The following CNOT4 variants were observed in gnomAD, a reference collection of about 807,000 sequenced individuals.
CNOT4 encodes the protein CCR4-associated factor 4.
Under a neutral mutation model 73.8 loss-of-function variants are expected in CNOT4, and 8 were observed. That is an observed-to-expected ratio of 0.11 (90% CI 0.06 to 0.20). The LOEUF (loss-of-function observed/expected upper bound fraction) is 0.20. Among genes scored for constraint, CNOT4 ranks in the 10% least tolerant of loss-of-function variants. The probability of loss-of-function intolerance (pLI) is 1.00; values close to 1 mark genes in which losing one functional copy is unlikely to be tolerated. For missense variants in CNOT4, 564 were observed against 883.4 expected, an observed-to-expected ratio of 0.64 and a Z score of 4.58; for synonymous variants, 293 against 321.1, an observed-to-expected ratio of 0.91 and a Z score of 0.94.
chr7:135,422,397 A>T (rs368774143), intron 2 of CNOT4, 44 bp from the exon 3 acceptor site: 231 of 867,702 alleles, frequency 2.7e-4, no homozygotes, highest in Middle Eastern at 5.6e-4. Context: ...TAAATTAATT[A>T]AAAAAACTGC....
chr7:135,388,518 G>A (rs2129483162), intron 10 of CNOT4: 1 of 1,033,422 alleles, frequency 9.7e-7, no homozygotes, highest in Non-Finnish European at 1.2e-6. Context: ...AATCTCACCT[G>A]GGATCTTAGT....
chr7:135,383,546 G>A (rs1482179681), intron 10 of CNOT4, among the ~76,000 whole-genome samples: 2 of 152,182 alleles, frequency 1.3e-5, no homozygotes, highest in Non-Finnish European at 2.9e-5. Context: ...CCCATCTGCG[G>A]ATGCATGGAA....
chr7:135,423,524 G>A lies in CNOT4; in HGVS notation c.175-1171C>T, dbSNP rs140416680. On this transcript the variant is annotated intron_variant, in intron 2 of 11. Coordinates refer to ENST00000541284, the MANE Select transcript of CNOT4 (RefSeq NM_001190850.2). The stretch of plus-strand genomic sequence containing the variant: ...TGAACATACCCAGAGTAACGCTGAC[G>A]GCAATTAAGAAAGTGAGATTTCACC... Among the ~76,000 whole-genome samples, 802 of 150,798 alleles carry A rather than the reference G, an allele frequency of 5.3e-3. 6 individuals are homozygous for A. The highest frequency in any genetic ancestry group is 0.019 in the African/African-American group (766 of 41,098).
intron 1 of CNOT4, among the ~76,000 whole-genome samples, chr7:135,478,522 G>A (rs1165623574): frequency 6.6e-6 from 1 of 152,050 alleles, no homozygotes; most frequent in Non-Finnish European, 1.5e-5. Flanking sequence ...GGGCAACTGG[G>A]GAGACCCTGT....
chr7:135,384,649 G>A (rs1796029218), intron 10 of CNOT4: 3 of 764,968 alleles, frequency 3.9e-6, no homozygotes, highest in South Asian at 1.3e-5. Flanking sequence ...ACCACCCAAC[G>A]ACATCTATTA....
chr7:135,463,401 T>C (rs1800999615), intron 1 of CNOT4, among the ~76,000 whole-genome samples: 1 of 151,856 alleles, frequency 6.6e-6, no homozygotes, highest in Non-Finnish European at 1.5e-5. Flanking sequence ...AGCTGGGTGT[T>C]GTGGCAGGCG....
In CNOT4 at chr7:135,458,673, T is replaced by C. The variant is rs541626319; in HGVS notation, c.-92-20250A>G. 4.3e-4 allele frequency among the ~76,000 whole-genome samples: 66 copies of C among 152,210 alleles called. 3 individuals are homozygous for C. In the South Asian group the frequency reaches 0.013, roughly 30 times the overall value. ...ACAGCATCTTCAGGAGAAGGTCCCA[T>C]CTCTAAAAACCACTTTCTTTGCTCA... On this transcript the variant is annotated intron_variant, in intron 1 of 11. Transcript: ENST00000541284.
intron 1 of CNOT4, among the ~76,000 whole-genome samples, chr7:135,499,084 T>C (rs1455580624): frequency 6.6e-6 from 1 of 152,182 alleles, no homozygotes; most frequent in Non-Finnish European, 1.5e-5. Flanking sequence ...AATCCTGACA[T>C]ATTAAAAGAT....
chr7:135,499,741 A>G lies in CNOT4; in HGVS notation c.-93+10148T>C, dbSNP rs572107573. ...GGTTCTCCTGTATACCCTATATTTG[A>G]TATTTTCTTCCCTCCCACATACACT... On this transcript the variant is annotated intron_variant, in intron 1 of 11. Coordinates refer to ENST00000541284, the MANE Select transcript of CNOT4 (RefSeq NM_001190850.2). 1.9e-4 allele frequency among the ~76,000 whole-genome samples: 29 copies of G among 152,236 alleles called. 3 individuals carry two copies. The South Asian group carries it at 5.6e-3, about 29-fold the overall frequency.
At chr7:135,485,352 G>A (rs1585718515) in intron 1 of CNOT4, among the ~76,000 whole-genome samples, 1 of 152,212 alleles carries the variant, frequency 6.6e-6, no homozygotes, top group South Asian at 2.1e-4. Flanking sequence ...TTACAGGCTT[G>A]AGCCACCACA....
chr7:135,504,106 T>A (rs1585746449), intron 1 of CNOT4, among the ~76,000 whole-genome samples: 1 of 152,192 alleles, frequency 6.6e-6, no homozygotes, highest in Admixed American at 6.5e-5. Flanking sequence ...TTCCACTCTA[T>A]TCCAAACTCT....
At chr7:135,418,928 T>G (rs973075037) in intron 3 of CNOT4, among the ~76,000 whole-genome samples, 4 of 152,232 alleles carry the variant, frequency 2.6e-5, no homozygotes, top group African/African-American at 7.2e-5. Context: ...CTTAAAATTC[T>G]GTCTTCCCTA....
At chr7:135,403,263 G>A (rs1195933798) in intron 7 of CNOT4, among the ~76,000 whole-genome samples, 1 of 152,110 alleles carries the variant, frequency 6.6e-6, no homozygotes, top group East Asian at 1.9e-4. Flanking sequence ...TCTTAATTTT[G>A]CCATTTACCA....
intron 10 of CNOT4, among the ~76,000 whole-genome samples, chr7:135,376,875 G>A (rs993925484): frequency 1.3e-5 from 2 of 152,062 alleles, no homozygotes; most frequent in African/African-American, 4.8e-5. Context: ...CTGGTTATGA[G>A]CTTCATTTTT....
chr7:135,380,596 TCA>T (rs1795789907), intron 10 of CNOT4, among the ~76,000 whole-genome samples: 1 of 152,182 alleles, frequency 6.6e-6, no homozygotes, highest in African/African-American at 2.4e-5. Context: ...TGCAATGAAT[TCA>T]CAGTTGTAAG....
intron 1 of CNOT4, among the ~76,000 whole-genome samples, chr7:135,485,685 G>A (rs1185538434): frequency 6.7e-6 from 1 of 149,312 alleles, no homozygotes; most frequent in Admixed American, 6.7e-5. Flanking sequence ...AGAGCAATGC[G>A]ACTTCCATGG....
chr7:135,467,962 T>A (rs1262787694), intron 1 of CNOT4, among the ~76,000 whole-genome samples: 3 of 152,148 alleles, frequency 2.0e-5, no homozygotes, highest in Admixed American at 6.5e-5. Flanking sequence ...ACGCCTGTAA[T>A]CCCAGCACTT....
At chr7:135,447,776 T>C (rs1306609286) in intron 1 of CNOT4, among the ~76,000 whole-genome samples, 1 of 152,176 alleles carries the variant, frequency 6.6e-6, no homozygotes, top group African/African-American at 2.4e-5. Flanking sequence ...GGCCAGCTAG[T>C]TTGCAGGTGA....
intron 1 of CNOT4, among the ~76,000 whole-genome samples, chr7:135,478,943 C>A (rs1262441459): frequency 6.6e-6 from 1 of 151,868 alleles, no homozygotes; most frequent in Non-Finnish European, 1.5e-5. Flanking sequence ...AAAATTTTTC[C>A]ATGAAGTGAT....
Sources: gnomAD v4.1 joint callset for allele counts (sites outside exome capture counted in the v4.1 genomes callset) on GRCh38, gnomAD v4.1.1 for gene constraint, MANE v1.5 for transcripts, NCBI Gene and HGNC (gene_info 2026-07-23, HGNC 2026-07-21) for gene names.